Variants in DEPDC1B observed in about 807,000 individuals in gnomAD.
DEPDC1B encodes DEP domain-containing protein 1B.
A neutral mutation model predicts 66.5 loss-of-function variants in DEPDC1B; 51 were observed. That is an observed-to-expected ratio of 0.77 (90% confidence interval 0.61 to 0.97). DEPDC1B has a LOEUF of 0.97. Ranked by LOEUF, DEPDC1B falls within the 50% of genes least tolerant of loss-of-function variation. DEPDC1B has a pLI of 0.00. For synonymous variants in DEPDC1B, 226 were observed against 223.6 expected, an observed-to-expected ratio of 1.01 and a Z score of -0.10; for missense variants, 552 against 637.1, an observed-to-expected ratio of 0.87 and a Z score of 1.44.
chr5:60,618,528 G>A (rs911944186), intron 7 of DEPDC1B, among the ~76,000 whole-genome samples: 1 of 152,154 alleles, frequency 6.6e-6, no homozygotes, highest in African/African-American at 2.4e-5. Flanking sequence ...AAATGAACTA[G>A]AAAATCTGGA....
intron 7 of DEPDC1B, among the ~76,000 whole-genome samples, chr5:60,620,470 G>A (rs1016848023): frequency 3.3e-5 from 5 of 152,170 alleles, no homozygotes; most frequent in African/African-American, 1.2e-4. Context: ...CCATCAACAA[G>A]TAGGCGAAGG....
At chr5:60,639,370 ACAGT>A (rs1368872060) in intron 6 of DEPDC1B, among the ~76,000 whole-genome samples, 1 of 152,244 alleles carries the variant, frequency 6.6e-6, no homozygotes, top group African/African-American at 2.4e-5. Flanking sequence ...ATAAAATCCT[ACAGT>A]CATAGAGTTG....
intron 9 of DEPDC1B, among the ~76,000 whole-genome samples, chr5:60,600,092 C>A (rs1314723332): frequency 6.6e-6 from 1 of 152,200 alleles, no homozygotes; most frequent in South Asian, 2.1e-4. Flanking sequence ...TCCACTGGAA[C>A]TATCCAGGCG....
At chr5:60,602,384 T>A (rs965388333) in intron 9 of DEPDC1B, among the ~76,000 whole-genome samples, 7 of 152,112 alleles carry the variant, frequency 4.6e-5, no homozygotes, top group South Asian at 4.1e-4. Context: ...ATAGAAAAAA[T>A]TTTAATTTTA....
At chr5:60,668,854 A>G (rs1008407369) in intron 2 of DEPDC1B, among the ~76,000 whole-genome samples, 2 of 152,226 alleles carry the variant, frequency 1.3e-5, no homozygotes, top group African/African-American at 4.8e-5. Flanking sequence ...GTCTTTCTCA[A>G]TAAAACTGAC....
chr5:60,624,899 C>G (rs1752778471), intron 7 of DEPDC1B, among the ~76,000 whole-genome samples: 1 of 151,406 alleles, frequency 6.6e-6, no homozygotes, highest in African/African-American at 2.4e-5. Flanking sequence ...CCCCCTGCCC[C>G]CGACCCCCCA....
chr5:60,680,450 GAACA>G (rs1018039421), intron 2 of DEPDC1B, among the ~76,000 whole-genome samples: 6 of 151,886 alleles, frequency 4.0e-5, no homozygotes, highest in African/African-American at 1.5e-4. Context: ...TGCATTCACA[GAACA>G]AATATGACAT....
At chr5:60,632,335 T>C (rs1752944611) in intron 7 of DEPDC1B, among the ~76,000 whole-genome samples, 1 of 152,144 alleles carries the variant, frequency 6.6e-6, no homozygotes, top group Non-Finnish European at 1.5e-5. Context: ...GCTAGGATCA[T>C]TGATGCCACC....
chr5:60,686,306 A>C (rs1419283660), intron 2 of DEPDC1B, among the ~76,000 whole-genome samples: 3 of 152,130 alleles, frequency 2.0e-5, no homozygotes, highest in African/African-American at 7.2e-5. Context: ...ATTCCTCTTT[A>C]GTCTTCTCCC....
chr5:60,699,816 C>T (rs1472943757), intron 1 of DEPDC1B, among the ~76,000 whole-genome samples: 1 of 152,218 alleles, frequency 6.6e-6, no homozygotes, highest in Non-Finnish European at 1.5e-5. Flanking sequence ...ACCCAGTCAA[C>T]ATCTCATGGA....
chr5:60,689,946 CG>C (rs925893879), intron 1 of DEPDC1B, among the ~76,000 whole-genome samples: 1 of 151,924 alleles, frequency 6.6e-6, no homozygotes, highest in African/African-American at 2.4e-5. Context: ...GCAGACTGAG[CG>C]GGGAGGCTGA....
chr5:60,649,826 T>C (rs1343278844), intron 2 of DEPDC1B, among the ~76,000 whole-genome samples: 1 of 152,086 alleles, frequency 6.6e-6, no homozygotes, highest in Non-Finnish European at 1.5e-5. Context: ...ACTAAATTGA[T>C]AGCTATATTA....
intron 7 of DEPDC1B, among the ~76,000 whole-genome samples, chr5:60,616,707 A>C (rs530197128): frequency 2.4e-4 from 36 of 152,300 alleles, no homozygotes; most frequent in Non-Finnish European, 4.1e-4. Flanking sequence ...AGTTGGAAAA[A>C]ACTCTTCAGG....
intron 2 of DEPDC1B, among the ~76,000 whole-genome samples, chr5:60,682,515 T>A (rs1294115201): frequency 2.6e-5 from 4 of 151,754 alleles, no homozygotes; most frequent in African/African-American, 9.7e-5. Context: ...TAAAGTATAA[T>A]TAAAAAAATA....
chr5:60,670,698 G>C (rs1754015218), intron 2 of DEPDC1B, among the ~76,000 whole-genome samples: 1 of 152,166 alleles, frequency 6.6e-6, no homozygotes, highest in African/African-American at 2.4e-5. Context: ...GAAGAATACA[G>C]GTACTGGGAA....
chr5:60,671,808 A>G (rs573421897), intron 2 of DEPDC1B, among the ~76,000 whole-genome samples: 153 of 152,340 alleles, frequency 1.0e-3, no homozygotes, highest in Non-Finnish European at 1.8e-3. Context: ...ATTTATGTGT[A>G]ATGAATTCAG....
intron 3 of DEPDC1B, 51 bp from the exon 4 acceptor site, chr5:60,645,670 C>CA: frequency 6.5e-7 from 1 of 1,538,596 alleles, no homozygotes; most frequent in South Asian, 1.3e-5. Flanking sequence ...GGTAGAAAGA[C>CA]AGTGAATAAA....
intron 7 of DEPDC1B, among the ~76,000 whole-genome samples, chr5:60,626,497 A>G (rs1752811087): frequency 6.6e-6 from 1 of 152,154 alleles, no homozygotes; most frequent in Admixed American, 6.5e-5. Flanking sequence ...GAACTGCCAA[A>G]CTGTTTTACC....
chr5:60,677,536 T>C (rs1723337684), intron 2 of DEPDC1B, among the ~76,000 whole-genome samples: 1 of 152,120 alleles, frequency 6.6e-6, no homozygotes, highest in South Asian at 2.1e-4. Context: ...TTTTCTTTTT[T>C]ATTTTTTCTT....
Sources: allele counts gnomAD v4.1 joint callset (sites outside exome capture counted in the v4.1 genomes callset), GRCh38; gene constraint gnomAD v4.1.1; transcripts MANE v1.5; gene names NCBI Gene and HGNC (gene_info 2026-07-23, HGNC 2026-07-21).